DGKK: variants seen among roughly 807,000 people sequenced by gnomAD.
The protein encoded by DGKK is diacylglycerol kinase kappa, also known as 142 kDa diacylglycerol kinase.
A neutral mutation model predicts 92.2 loss-of-function variants in DGKK; 35 were observed. The ratio of observed to expected loss-of-function variants is 0.38; its 90% CI spans 0.29 to 0.50. DGKK has a LOEUF of 0.50. Among genes scored for constraint, DGKK ranks in the 20% least tolerant of loss-of-function variants. DGKK has a pLI of 0.92. For synonymous variants in DGKK, 368 were observed against 360.6 expected (o/e 1.02, Z -0.23); for missense variants, 910 against 992.2 (o/e 0.92, Z 1.11).
At chrX:50,398,968 G>A (rs1241007539) in intron 8 of DGKK, among the ~76,000 whole-genome samples, 1 of 112,488 alleles carries the variant, frequency 8.9e-6, no homozygotes, top group Non-Finnish European at 1.9e-5. Context: ...AACTAGGCAA[G>A]TATCTCTTAT....
chrX:50,371,106 C>G (rs1958146793), intron 26 of DGKK, among the ~76,000 whole-genome samples: 1 of 112,730 alleles, frequency 8.9e-6, no homozygotes, highest in Admixed American at 9.4e-5. Flanking sequence ...TGAACTTGGG[C>G]TCTCTGCTGT....
In DGKK at chrX:50,423,524, A is replaced by G. The variant is rs182329098; in HGVS notation, c.756+724T>C. On this transcript the variant is annotated intron_variant, in intron 2 of 27. Transcript: ENST00000611977. The stretch of plus-strand genomic sequence containing the variant: ...TCGTTACACCCCTGTGTTAGCCAAC[A>G]ATTTCTGCTAAAAATGATGACATGG... Among the ~76,000 whole-genome samples, 654 of 112,031 alleles carry G rather than the reference A, an allele frequency of 5.8e-3. 2 individuals are homozygous for G. Among genetic ancestry groups the G allele is most frequent in the Middle Eastern group, 0.028 (6 of 218 alleles).
chrX:50,451,257 A>G (rs1926488056), intron 1 of DGKK, among the ~76,000 whole-genome samples: 2 of 111,654 alleles, frequency 1.8e-5, no homozygotes, highest in Admixed American at 1.9e-4. Flanking sequence ...AGAGACTCCA[A>G]GTGAAAAGAG....
At chrX:50,378,458 A>T (rs1327309382) in intron 21 of DGKK, 120 bp downstream of exon 21, 19 of 769,691 alleles carry the variant, frequency 2.5e-5, no homozygotes, top group Non-Finnish European at 3.2e-5. Context: ...TGCCCACCAG[A>T]TAACCTGCTC....
At chrX:50,404,233 G>A (rs1925085847) in intron 4 of DGKK, 49 bp from the exon 5 acceptor site, 4 of 1,152,023 alleles carry the variant, frequency 3.5e-6, no homozygotes, top group Middle Eastern at 2.4e-4. Flanking sequence ...TCACAGAGAC[G>A]GATTAAAGAG....
At chrX:50,396,585 A>G (rs782225314) in intron 8 of DGKK, among the ~76,000 whole-genome samples, 3 of 111,684 alleles carry the variant, frequency 2.7e-5, no homozygotes, top group Non-Finnish European at 3.8e-5. Flanking sequence ...AATTAAGGCA[A>G]CTTGAACTTT....
At chrX:50,413,425 CCA>C (rs1394526991) in intron 4 of DGKK, among the ~76,000 whole-genome samples, 3 of 111,663 alleles carry the variant, frequency 2.7e-5, no homozygotes, top group Non-Finnish European at 5.6e-5. Context: ...AAAAGACAAC[CCA>C]CAGAGTGGAA....
intron 4 of DGKK, among the ~76,000 whole-genome samples, chrX:50,419,748 C>T (rs1557228928): frequency 8.9e-6 from 1 of 112,207 alleles, no homozygotes; most frequent in Non-Finnish European, 1.9e-5. Context: ...TATAGAAGGG[C>T]AGGCAGAGTG....
At chrX:50,434,556 C>T (rs1344006279) in intron 1 of DGKK, among the ~76,000 whole-genome samples, 2 of 110,779 alleles carry the variant, frequency 1.8e-5, no homozygotes, top group Non-Finnish European at 3.8e-5. Flanking sequence ...CTTCTTTTTT[C>T]CCCCAGGGGC....
At chrX:50,384,451 G>T (rs981316854) in intron 16 of DGKK, among the ~76,000 whole-genome samples, 187 bp from the exon 17 acceptor site, 2 of 111,058 alleles carry the variant, frequency 1.8e-5, no homozygotes, top group African/African-American at 3.3e-5. Flanking sequence ...ACTGAGAGAA[G>T]AATAAAGCTG....
At chrX:50,393,051 C>T in intron 9 of DGKK, 101 bp downstream of exon 9, 1 of 723,096 alleles carries the variant, frequency 1.4e-6, no homozygotes, top group Non-Finnish European at 2.0e-6. Context: ...CCTTTCCTGC[C>T]CAAATACAAG....
chrX:50,436,291 TTA>T lies in DGKK; in HGVS notation c.646-11935_646-11934del, dbSNP rs782365526. ...GACTATGCTAATCATGTTACATTGG[TTA>T]TCTCATTTGATTTTAGCAACTCTGA... On this transcript the variant is annotated intron_variant, in intron 1 of 27. Coordinates refer to ENST00000611977, the MANE Select transcript of DGKK (RefSeq NM_001013742.4). Among the ~76,000 whole-genome samples the T allele has an allele frequency of 2.7e-5, 3 of 112,223 alleles. No homozygotes were observed. In the South Asian group the frequency reaches 1.1e-3, roughly 42 times the overall value.
intron 8 of DGKK, among the ~76,000 whole-genome samples, chrX:50,394,683 G>T (rs889532602): frequency 8.9e-6 from 1 of 112,078 alleles, no homozygotes; most frequent in African/African-American, 3.2e-5. Flanking sequence ...GAATACAGTG[G>T]TGGACAAGAT....
chrX:50,443,161 G>A (rs1367277983), intron 1 of DGKK, among the ~76,000 whole-genome samples: 1 of 111,190 alleles, frequency 9.0e-6, no homozygotes, highest in African/African-American at 3.3e-5. Context: ...CTACATTCTA[G>A]GGGAGGGTAT....
intron 4 of DGKK, among the ~76,000 whole-genome samples, chrX:50,408,440 G>A (rs1470441302): frequency 5.4e-5 from 6 of 111,561 alleles, no homozygotes; most frequent in African/African-American, 1.6e-4. Context: ...GTGCAGTGGC[G>A]CGATCTCGGC....
intron 5 of DGKK, 57 bp from the exon 6 acceptor site, chrX:50,403,654 A>G (rs1925070179): frequency 1.0e-6 from 1 of 986,481 alleles, no homozygotes; most frequent in Admixed American, 2.2e-5. Context: ...GAGGATTCTA[A>G]TTCTCTTCCC....
intron 8 of DGKK, among the ~76,000 whole-genome samples, chrX:50,400,223 A>G (rs1332671051): frequency 9.0e-6 from 1 of 111,186 alleles, no homozygotes; most frequent in Non-Finnish European, 1.9e-5. Flanking sequence ...TCCATGTCTT[A>G]CTTATTCTTA....
intron 27 of DGKK, among the ~76,000 whole-genome samples, chrX:50,369,379 A>G (rs1924055206): frequency 1.8e-5 from 2 of 111,535 alleles, no homozygotes; most frequent in Middle Eastern, 4.7e-3. Flanking sequence ...GCATTCGTGC[A>G]AACTCTTAGT....
intron 4 of DGKK, among the ~76,000 whole-genome samples, chrX:50,414,479 G>T (rs1377057614): frequency 9.0e-6 from 1 of 111,234 alleles, no homozygotes; most frequent in Non-Finnish European, 1.9e-5. Context: ...ATTATGATTT[G>T]TCAATCAAAA....
Sources: gnomAD v4.1 joint callset for allele counts (sites outside exome capture counted in the v4.1 genomes callset) on GRCh38, gnomAD v4.1.1 for gene constraint, MANE v1.5 for transcripts, NCBI Gene and HGNC (gene_info 2026-07-23, HGNC 2026-07-21) for gene names.